The following CCDC172 variants were observed in gnomAD, a reference collection of about 807,000 sequenced individuals.
CCDC172 encodes coiled-coil domain containing 172, also known as coiled-coil domain-containing protein 172.
A neutral mutation model predicts 38.0 loss-of-function variants in CCDC172; 30 were observed. The observed-to-expected ratio is 0.79, with a 90% confidence interval of 0.59 to 1.07. The LOEUF (loss-of-function observed/expected upper bound fraction) is 1.07. Among genes scored for constraint, CCDC172 ranks in the 50% least tolerant of loss-of-function variants. The pLI is 0.00. For synonymous variants in CCDC172, 78 were observed against 88.3 expected (o/e 0.88, Z 0.66); for missense variants, 297 against 290.1 (o/e 1.02, Z -0.17).
intron 8 of CCDC172, among the ~76,000 whole-genome samples, 190 bp from the exon 9 acceptor site, chr10:116,379,133 A>G (rs1009739570): frequency 4.6e-5 from 7 of 152,260 alleles, no homozygotes; most frequent in African/African-American, 1.7e-4. Context: ...ATGTTGTTAC[A>G]TATTTTAGGT....
In CCDC172 at chr10:116,368,856, T is replaced by A. The variant is rs1056425129; in HGVS notation, c.654-9567T>A. Among the ~76,000 whole-genome samples the A allele has an allele frequency of 3.3e-5, 5 of 151,910 alleles. No individual in the cohort carries two copies. In the East Asian group the frequency reaches 9.6e-4, roughly 29 times the overall value. On this transcript the variant is annotated intron_variant, in intron 7 of 8. Transcript: ENST00000333254. Reference sequence around the variant, plus strand: ...CCAACTCAAATCTAAAATGACTGGGTTTTTCTTCTCCTTCCTCCATTCTGT... The same window carrying A: ...CCAACTCAAATCTAAAATGACTGGGATTTTCTTCTCCTTCCTCCATTCTGT...
chr10:116,330,802 C>G (rs1844653665), intron 3 of CCDC172, among the ~76,000 whole-genome samples: 1 of 152,130 alleles, frequency 6.6e-6, no homozygotes, highest in Non-Finnish European at 1.5e-5. Flanking sequence ...GGCACAACAA[C>G]AGTTCACTGC....
intron 3 of CCDC172, among the ~76,000 whole-genome samples, chr10:116,336,775 A>G (rs947188384): frequency 6.6e-6 from 1 of 152,174 alleles, no homozygotes; most frequent in Non-Finnish European, 1.5e-5. Flanking sequence ...ATTATTTTTA[A>G]CAACAGCAAC....
intron 3 of CCDC172, among the ~76,000 whole-genome samples, chr10:116,338,889 A>G (rs1844761715): frequency 6.6e-6 from 1 of 152,106 alleles, no homozygotes; most frequent in African/African-American, 2.4e-5. Context: ...TCAGTGGTAT[A>G]CATGGACTTA....
chr10:116,373,225 T>C lies in CCDC172; in HGVS notation c.654-5198T>C, dbSNP rs1021746310. On this transcript the variant is annotated intron_variant, in intron 7 of 8. Transcript: ENST00000333254. Reference sequence around the variant, plus strand: ...GAGTTTGAGACTACCCTGGACAACATAGAGAGACCCCATCTCTAATTAAAA... The same window carrying C: ...GAGTTTGAGACTACCCTGGACAACACAGAGAGACCCCATCTCTAATTAAAA... 2.6e-5 allele frequency among the ~76,000 whole-genome samples: 4 copies of C among 151,856 alleles called. No homozygotes were observed. The East Asian group carries it at 7.7e-4, about 29-fold the overall frequency.
At chr10:116,354,320 T>C (rs1400714789) in intron 5 of CCDC172, among the ~76,000 whole-genome samples, 2 of 152,082 alleles carry the variant, frequency 1.3e-5, no homozygotes, top group African/African-American at 4.8e-5. Context: ...TTATTTAGAG[T>C]ATATTCCTCC....
intron 7 of CCDC172, among the ~76,000 whole-genome samples, chr10:116,369,655 A>T (rs533156765): frequency 1.2e-4 from 18 of 152,142 alleles, no homozygotes; most frequent in African/African-American, 4.1e-4. Context: ...GTATTTTGTG[A>T]TTACAAATAA....
intron 5 of CCDC172, among the ~76,000 whole-genome samples, chr10:116,346,955 T>C (rs74158442): frequency 0.042 from 6,466 of 152,238 alleles, 441 homozygotes; most frequent in African/African-American, 0.14. Context: ...TGAGAACATA[T>C]ATAAGTAGAC....
At chr10:116,328,158 G>T (rs1375889906) in intron 3 of CCDC172, among the ~76,000 whole-genome samples, 1 of 152,062 alleles carries the variant, frequency 6.6e-6, no homozygotes, top group Non-Finnish European at 1.5e-5. Flanking sequence ...CGGATAGCAT[G>T]TAATTAGAAC....
chr10:116,335,751 T>C (rs1844722342), intron 3 of CCDC172, among the ~76,000 whole-genome samples: 1 of 152,204 alleles, frequency 6.6e-6, no homozygotes, highest in Non-Finnish European at 1.5e-5. Flanking sequence ...ATATTTTCCA[T>C]GCTTTTTTCT....
Position 116,353,007 on chromosome 10 carries a change from C to A in CCDC172, c.449-4373C>A, listed in dbSNP as rs540461256. Among the ~76,000 whole-genome samples the A allele has an allele frequency of 3.3e-5, 5 of 152,134 alleles. No homozygotes were observed. The South Asian group carries it at 1.0e-3, about 32-fold the overall frequency. Reference sequence around the variant, plus strand: ...AGGAGATCAAGACCATCCTGGCTAACATGGTGAAACCCCGTCTCTACTCAA... The same window carrying A: ...AGGAGATCAAGACCATCCTGGCTAAAATGGTGAAACCCCGTCTCTACTCAA... On this transcript the variant is annotated intron_variant, in intron 5 of 8. Transcript: ENST00000333254.
intron 3 of CCDC172, among the ~76,000 whole-genome samples, chr10:116,331,595 C>T (rs943474092): frequency 6.6e-6 from 1 of 152,056 alleles, no homozygotes; most frequent in East Asian, 1.9e-4. Context: ...TAAAATTTTT[C>T]TCATAGAATC....
In CCDC172 at chr10:116,373,092, C is replaced by A. The variant is rs570537759; in HGVS notation, c.654-5331C>A. On this transcript the variant is annotated intron_variant, in intron 7 of 8. Coordinates refer to ENST00000333254, the MANE Select transcript of CCDC172 (RefSeq NM_198515.3). ...GGAGCTATGCAAAGAAATAATAAAACTCCAGAAATGGTTCAAATGGGCCAG... is the reference window on the plus strand; with the variant it reads ...GGAGCTATGCAAAGAAATAATAAAAATCCAGAAATGGTTCAAATGGGCCAG... 5.1e-4 allele frequency among the ~76,000 whole-genome samples: 77 copies of A among 152,158 alleles called. 1 individual carries two copies. Among genetic ancestry groups the A allele is most frequent in the Middle Eastern group, 6.8e-3 (2 of 294 alleles).
In CCDC172 at chr10:116,340,722, T is replaced by C. The variant is rs1250133284; in HGVS notation, c.166-12T>C. On this transcript the variant is annotated splice_polypyrimidine_tract_variant and intron_variant, in intron 3 of 8. Coordinates refer to ENST00000333254, the MANE Select transcript of CCDC172 (RefSeq NM_198515.3). ...ATTGTTTTATTCTGATTTCTGTTTT[T>C]GTACTTTGAAGGTTCAACAGTTTTT... 2 of 1,310,460 alleles carry C rather than the reference T, an allele frequency of 1.5e-6. No individual in the cohort carries two copies. The highest frequency in any genetic ancestry group is 2.9e-5 in the African/African-American group (2 of 67,800). 81.2% of individuals were successfully genotyped at this position (1,310,460 alleles called of 1,614,324 possible). A position where few individuals can be genotyped will look rare whatever the true frequency, so the allele number is the denominator to read the frequency against.
chr10:116,373,380 T>C (rs973427021), intron 7 of CCDC172, among the ~76,000 whole-genome samples: 2 of 152,196 alleles, frequency 1.3e-5, no homozygotes, highest in African/African-American at 2.4e-5. Flanking sequence ...AAAGTAGGAA[T>C]ATATTTTAGG....
intron 7 of CCDC172, among the ~76,000 whole-genome samples, chr10:116,377,581 CTT>C (rs937440465): frequency 2.0e-5 from 3 of 152,120 alleles, no homozygotes; most frequent in South Asian, 2.1e-4. Flanking sequence ...AACTTAAAGA[CTT>C]AATTGGGGAA....
At chr10:116,331,188 A>G (rs1405711587) in intron 3 of CCDC172, among the ~76,000 whole-genome samples, 2 of 152,160 alleles carry the variant, frequency 1.3e-5, no homozygotes, top group Non-Finnish European at 2.9e-5. Flanking sequence ...TATTAAATTA[A>G]TGTTTAAAAA....
chr10:116,335,960 A>G (rs1844726752), intron 3 of CCDC172, among the ~76,000 whole-genome samples: 1 of 151,914 alleles, frequency 6.6e-6, no homozygotes, highest in African/African-American at 2.4e-5. Context: ...TGAGGTCAGG[A>G]GTTTGAGACC....
At chr10:116,327,617 A>T (rs1056769646) in intron 3 of CCDC172, among the ~76,000 whole-genome samples, 6 of 152,128 alleles carry the variant, frequency 3.9e-5, no homozygotes, top group African/African-American at 1.4e-4. Flanking sequence ...GAAATTACTA[A>T]TTAATATAGG....
Sources: allele counts gnomAD v4.1 joint callset (sites outside exome capture counted in the v4.1 genomes callset), GRCh38; gene constraint gnomAD v4.1.1; transcripts MANE v1.5; gene names NCBI Gene and HGNC (gene_info 2026-07-23, HGNC 2026-07-21).